Variants in PDZD2 observed in about 807,000 individuals in gnomAD.
PDZD2 encodes PDZ domain containing 2, also known as PDZ domain-containing protein 2.
In PDZD2, 90 loss-of-function variants were observed where a neutral mutation model predicts 220.7. That is an observed-to-expected ratio of 0.41 (90% CI 0.34 to 0.49). PDZD2 has a LOEUF of 0.49. Ranked by LOEUF, PDZD2 falls within the 20% of genes least tolerant of loss-of-function variation. The pLI is 0.28. For synonymous variants in PDZD2, 1,375 were observed against 1,450.5 expected (o/e 0.95, Z 1.18); for missense variants, 3,174 against 3,608.5 (o/e 0.88, Z 3.08).
intron 1 of PDZD2, among the ~76,000 whole-genome samples, chr5:31,776,715 C>G (rs1007805849): frequency 6.6e-6 from 1 of 151,630 alleles, no homozygotes; most frequent in Non-Finnish European, 1.5e-5. Flanking sequence ...GTAGTGCAGT[C>G]TTGGCTCACT....
intron 1 of PDZD2, among the ~76,000 whole-genome samples, chr5:31,704,307 C>T (rs937188339): frequency 6.6e-6 from 1 of 152,188 alleles, no homozygotes; most frequent in African/African-American, 2.4e-5. Flanking sequence ...GCCACTGCAT[C>T]GGGCCAATAC....
At chr5:32,023,108 C>G (rs751630040) in intron 6 of PDZD2, among the ~76,000 whole-genome samples, 2 of 152,210 alleles carry the variant, frequency 1.3e-5, no homozygotes, top group African/African-American at 2.4e-5. Context: ...GCAAGGGCCC[C>G]TTGGCATGGA....
chr5:32,046,330 C>G (rs1020695765), intron 7 of PDZD2, among the ~76,000 whole-genome samples: 1 of 152,166 alleles, frequency 6.6e-6, no homozygotes, highest in African/African-American at 2.4e-5. Context: ...GCAACCTCAG[C>G]CTCCTGGGTT....
chr5:31,797,094 A>ATTTTTTTTTTTTT (rs756548601), intron 1 of PDZD2, among the ~76,000 whole-genome samples: 2 of 66,544 alleles, frequency 3.0e-5, no homozygotes, highest in African/African-American at 1.4e-4. Flanking sequence ...CACCCAGCTA[A>ATTTTTTTTTTTTT]TTTTTTTTTT....
In PDZD2 at chr5:32,036,804, A is replaced by C. The variant is rs114273125; in HGVS notation, c.1408-427A>C. ...AATTTCTGGTTTAATATTTGTTGCA[A>C]CTTGCATTGTGGGAAAAAGCACTGG... On this transcript the variant is annotated intron_variant, in intron 6 of 24. Transcript: ENST00000438447. Among the ~76,000 whole-genome samples the C allele has an allele frequency of 4.6e-3, 703 of 152,356 alleles. 4 individuals carry two copies. Among genetic ancestry groups the C allele is most frequent in the African/African-American group, 0.016 (671 of 41,586 alleles).
At chr5:31,708,412 T>G (rs1747929346) in intron 1 of PDZD2, among the ~76,000 whole-genome samples, 1 of 152,240 alleles carries the variant, frequency 6.6e-6, no homozygotes, top group Non-Finnish European at 1.5e-5. Flanking sequence ...TGTTTTTCTT[T>G]AGCTGTCTTC....
At chr5:32,102,707 C>A (rs556749201) in intron 24 of PDZD2, among the ~76,000 whole-genome samples, 186 of 152,204 alleles carry the variant, frequency 1.2e-3, no homozygotes, top group African/African-American at 4.3e-3. Flanking sequence ...AAACAGGACA[C>A]CCCATTCATG....
At chr5:31,959,013 A>G (rs902862222) in intron 2 of PDZD2, among the ~76,000 whole-genome samples, 15 of 151,382 alleles carry the variant, frequency 9.9e-5, no homozygotes, top group Non-Finnish European at 2.2e-4. Flanking sequence ...GCTCTCTGCA[A>G]CCTCCGCCTC....
intron 2 of PDZD2, among the ~76,000 whole-genome samples, chr5:31,863,955 G>A (rs1399403471): frequency 3.3e-5 from 5 of 152,172 alleles, no homozygotes; most frequent in African/African-American, 1.2e-4. Context: ...TTACAGTTGT[G>A]TATGTGTTGT....
chr5:32,039,653 G>A (rs566037095), intron 7 of PDZD2, among the ~76,000 whole-genome samples: 16 of 151,602 alleles, frequency 1.1e-4, no homozygotes, highest in Non-Finnish European at 2.1e-4. Context: ...ACCTGTCTAG[G>A]AAGTGAGCCT....
chr5:31,916,356 C>A (rs1190387195), intron 2 of PDZD2, among the ~76,000 whole-genome samples: 1 of 152,258 alleles, frequency 6.6e-6, no homozygotes, highest in Non-Finnish European at 1.5e-5. Context: ...TCAACCCCTC[C>A]AGGGGAGGGT....
intron 1 of PDZD2, among the ~76,000 whole-genome samples, chr5:31,660,452 T>C (rs965249427): frequency 6.6e-6 from 1 of 152,104 alleles, no homozygotes. Context: ...TTTAATTGAC[T>C]CTCAGTTCCG....
At chr5:31,764,920 T>C (rs1751896452) in intron 1 of PDZD2, among the ~76,000 whole-genome samples, 1 of 151,972 alleles carries the variant, frequency 6.6e-6, no homozygotes, top group South Asian at 2.1e-4. Flanking sequence ...CTACTAAAAA[T>C]ACAAAAACTC....
chr5:31,958,259 GTT>G (rs33934260), intron 2 of PDZD2, among the ~76,000 whole-genome samples: 46,885 of 146,602 alleles, frequency 0.32, 7,717 homozygotes, highest in Middle Eastern at 0.41. Flanking sequence ...TTTGCTTTTT[GTT>G]TTTTTTTTTT....
intron 3 of PDZD2, among the ~76,000 whole-genome samples, chr5:31,989,416 C>CTTTTTTTTTTTTTTTT (rs1385913596): frequency 1.2e-4 from 14 of 120,670 alleles, no homozygotes; most frequent in African/African-American, 3.5e-4. Context: ...ACCACATTTT[C>CTTTTTTTTTTTTTTTT]TTTTCTTTTT....
At chr5:32,013,741 A>G (rs1352574816) in intron 6 of PDZD2, among the ~76,000 whole-genome samples, 2 of 151,998 alleles carry the variant, frequency 1.3e-5, no homozygotes, top group Non-Finnish European at 2.9e-5. Context: ...TACTTTGACA[A>G]TTCTCCTTCC....
chr5:31,649,959 A>AG, intron 1 of PDZD2, among the ~76,000 whole-genome samples: 1 of 148,842 alleles, frequency 6.7e-6, no homozygotes, highest in South Asian at 2.1e-4. Context: ...AAAAAAAAAA[A>AG]AAAAATTAAG....
At chr5:32,031,873 GAA>G (rs35365129) in intron 6 of PDZD2, among the ~76,000 whole-genome samples, 2,587 of 152,220 alleles carry the variant, frequency 0.017, 62 homozygotes, top group African/African-American at 0.054. Context: ...TTCACATAAT[GAA>G]AAAACTGCCT....
At chr5:31,717,172 G>A (rs917717548) in intron 1 of PDZD2, among the ~76,000 whole-genome samples, 1 of 152,160 alleles carries the variant, frequency 6.6e-6, no homozygotes, top group Non-Finnish European at 1.5e-5. Context: ...GAGACAGCGT[G>A]TATTGAGTGC....
Sources: gnomAD v4.1 joint callset for allele counts (sites outside exome capture counted in the v4.1 genomes callset) on GRCh38, gnomAD v4.1.1 for gene constraint, MANE v1.5 for transcripts, NCBI Gene and HGNC (gene_info 2026-07-23, HGNC 2026-07-21) for gene names.